The following FRMD4A variants were observed in gnomAD, a reference collection of about 807,000 sequenced individuals.
FRMD4A encodes FERM domain containing 4A.
In FRMD4A, 29 loss-of-function variants were observed where a neutral mutation model predicts 129.1. The ratio of observed to expected loss-of-function variants is 0.22; its 90% CI spans 0.17 to 0.31. FRMD4A has a LOEUF of 0.31. Among genes scored for constraint, FRMD4A ranks in the 10% least tolerant of loss-of-function variants. The pLI is 1.00. For synonymous variants in FRMD4A, 634 were observed against 571.6 expected, an observed-to-expected ratio of 1.11 and a Z score of -1.56; for missense variants, 1,272 against 1,375.8, an observed-to-expected ratio of 0.92 and a Z score of 1.19.
intron 2 of FRMD4A, among the ~76,000 whole-genome samples, chr10:13,975,180 GTC>G (rs2131392165): frequency 6.6e-6 from 1 of 151,754 alleles, no homozygotes; most frequent in Non-Finnish European, 1.5e-5. Flanking sequence ...GTCTTTGTGA[GTC>G]TCTGTGTCTG....
intron 6 of FRMD4A, among the ~76,000 whole-genome samples, chr10:13,776,947 T>C (rs1229878191): frequency 1.3e-5 from 2 of 152,248 alleles, no homozygotes; most frequent in African/African-American, 2.4e-5. Flanking sequence ...GCTAATCACA[T>C]GCCTGGCATG....
At chr10:14,167,538 CAA>C (rs59290414) in intron 2 of FRMD4A, among the ~76,000 whole-genome samples, 188 of 57,568 alleles carry the variant, frequency 3.3e-3, no homozygotes, top group African/African-American at 0.011. Flanking sequence ...CTCCGTCTCT[CAA>C]AAAAAAAAAA....
intron 2 of FRMD4A, among the ~76,000 whole-genome samples, chr10:14,169,379 G>A (rs576820197): frequency 5.3e-5 from 8 of 152,074 alleles, no homozygotes; most frequent in Admixed American, 4.6e-4. Context: ...GCTGTGACAC[G>A]CATAGCATTC....
chr10:13,760,727 C>T lies in FRMD4A; in HGVS notation c.464+920G>A, dbSNP rs967123446. On this transcript the variant is annotated intron_variant, in intron 8 of 24. Coordinates refer to ENST00000357447, the MANE Select transcript of FRMD4A (RefSeq NM_018027.5). The stretch of plus-strand genomic sequence containing the variant: ...CAGGTTCTTAGATGGAGCAGAGGTA[C>T]GATCTGTGTTTCTTTTTAATACCAA... Among the ~76,000 whole-genome samples the T allele has an allele frequency of 5.3e-5, 8 of 152,218 alleles. 1 individual carries two copies. Among genetic ancestry groups the T allele is most frequent in the African/African-American group, 1.2e-4 (5 of 41,540 alleles).
chr10:14,204,189 C>T (rs570884990), intron 2 of FRMD4A, among the ~76,000 whole-genome samples: 10 of 152,064 alleles, frequency 6.6e-5, no homozygotes, highest in African/African-American at 2.4e-4. Flanking sequence ...TTTGGGAGGC[C>T]GAGGTGGGAG....
chr10:14,061,929 A>C (rs1834834963), intron 2 of FRMD4A, among the ~76,000 whole-genome samples: 2 of 152,250 alleles, frequency 1.3e-5, no homozygotes, highest in South Asian at 4.1e-4. Context: ...GTTATGTGAC[A>C]GTCAATTCCT....
At chr10:13,907,995 G>A (rs755181888) in intron 2 of FRMD4A, among the ~76,000 whole-genome samples, 16 of 151,168 alleles carry the variant, frequency 1.1e-4, no homozygotes, top group Admixed American at 4.6e-4. Context: ...GTAAAACCCC[G>A]TCTCTACTAA....
chr10:13,829,694 G>A (rs970664893), intron 3 of FRMD4A, among the ~76,000 whole-genome samples: 1 of 152,146 alleles, frequency 6.6e-6, no homozygotes, highest in Non-Finnish European at 1.5e-5. Context: ...ACCTCTATTT[G>A]TAGATATGGG....
At chr10:13,712,049 C>T (rs1046541923) in intron 12 of FRMD4A, 3 of 152,218 alleles carry the variant, frequency 2.0e-5, no homozygotes, top group Non-Finnish European at 4.4e-5. Context: ...TCTTTTTCAT[C>T]CTGCACCATG....
chr10:13,771,226 C>T (rs145604223), intron 6 of FRMD4A, among the ~76,000 whole-genome samples: 57 of 152,232 alleles, frequency 3.7e-4, no homozygotes, highest in Admixed American at 5.2e-4. Flanking sequence ...AAATGTGTGC[C>T]ACCATGCCTG....
intron 2 of FRMD4A, among the ~76,000 whole-genome samples, chr10:14,025,815 T>C (rs1832962034): frequency 6.6e-6 from 1 of 152,202 alleles, no homozygotes; most frequent in Non-Finnish European, 1.5e-5. Flanking sequence ...TTATTTCACT[T>C]AGTGTAATGT....
intron 2 of FRMD4A, among the ~76,000 whole-genome samples, chr10:14,298,193 A>G (rs1190844394): frequency 1.3e-5 from 2 of 152,086 alleles, no homozygotes; most frequent in African/African-American, 4.8e-5. Context: ...GCAGAAAAAA[A>G]TTGCCATCCT....
intron 24 of FRMD4A, chr10:13,647,741 T>TTA (rs2081228536): frequency 6.6e-6 from 1 of 151,938 alleles, no homozygotes; most frequent in South Asian, 2.1e-4. Flanking sequence ...GCTTTTTTTT[T>TTA]TTTTTTTAAG....
At chr10:14,290,089 A>G (rs571492773) in intron 2 of FRMD4A, among the ~76,000 whole-genome samples, 5 of 152,112 alleles carry the variant, frequency 3.3e-5, no homozygotes, top group Non-Finnish European at 7.4e-5. Context: ...ACAAATCAAG[A>G]TACAGGTAAA....
intron 3 of FRMD4A, among the ~76,000 whole-genome samples, chr10:13,832,610 GT>G (rs1036694387): frequency 2.6e-5 from 4 of 152,194 alleles, no homozygotes; most frequent in Non-Finnish European, 5.9e-5. Flanking sequence ...CTGAAGTACA[GT>G]GGTACAATTA....
At position 13,884,240 on chromosome 10, in the gene FRMD4A, A is replaced by C. The variant is rs74121760; in HGVS notation, c.46-25328T>G. Among the ~76,000 whole-genome samples, 537 of 135,076 alleles carry C rather than the reference A, an allele frequency of 4.0e-3. 9 individuals are homozygous for C. The highest frequency in any genetic ancestry group is 0.015 in the East Asian group (57 of 3,798). The allele number at this position is 135,076 out of a possible 152,430, so 88.6% of individuals were successfully genotyped here. On this transcript the variant is annotated intron_variant, in intron 2 of 24. Coordinates refer to ENST00000357447, the MANE Select transcript of FRMD4A (RefSeq NM_018027.5). The stretch of plus-strand genomic sequence containing the variant: ...CACACACACACACACACACACACAC[A>C]CTCCCTAAAAGGCATCCTGTATATT...
At chr10:14,274,797 C>T (rs2132051546) in intron 2 of FRMD4A, among the ~76,000 whole-genome samples, 2 of 152,290 alleles carry the variant, frequency 1.3e-5, no homozygotes. Context: ...CTTGGTAGCA[C>T]CCGGCAAGTC....
chr10:14,185,553 A>G (rs139512324), intron 2 of FRMD4A, among the ~76,000 whole-genome samples: 4 of 152,338 alleles, frequency 2.6e-5, no homozygotes, highest in East Asian at 3.9e-4. Flanking sequence ...AACATAAAGC[A>G]AGACTATTTA....
chr10:13,854,678 C>G (rs1426350326), intron 3 of FRMD4A, among the ~76,000 whole-genome samples: 1 of 151,436 alleles, frequency 6.6e-6, no homozygotes, highest in Non-Finnish European at 1.5e-5. Context: ...GTGATCCACT[C>G]TCCTTGGCCT....
Sources: allele counts gnomAD v4.1 joint callset (sites outside exome capture counted in the v4.1 genomes callset), GRCh38; gene constraint gnomAD v4.1.1; transcripts MANE v1.5; gene names NCBI Gene and HGNC (gene_info 2026-07-23, HGNC 2026-07-21).